The following NRXN3 variants were observed in gnomAD, a reference collection of about 807,000 sequenced individuals.
NRXN3 encodes the protein neurexin III.
A neutral mutation model predicts 137.6 loss-of-function variants in NRXN3; 32 were observed. That is an observed-to-expected ratio of 0.23 (90% CI 0.18 to 0.31). The LOEUF is 0.31. Ranked by LOEUF, NRXN3 falls within the 10% of genes least tolerant of loss-of-function variation. NRXN3 has a pLI of 1.00. For missense variants in NRXN3, 1,574 were observed against 2,062.5 expected (o/e 0.76, Z 4.59); for synonymous variants, 798 against 784.5 (o/e 1.02, Z -0.29).
chr14:79,320,270 T>C (rs2089746708), intron 15 of NRXN3, among the ~76,000 whole-genome samples: 3 of 152,194 alleles, frequency 2.0e-5, no homozygotes, highest in Admixed American at 2.0e-4. Context: ...CACGAATAAA[T>C]ACACAATTCT....
intron 4 of NRXN3, among the ~76,000 whole-genome samples, chr14:78,445,692 C>T (rs538690898): frequency 6.6e-6 from 1 of 152,218 alleles, no homozygotes; most frequent in Non-Finnish European, 1.5e-5. Context: ...GAAAGACCAA[C>T]TATTGTTCAC....
At chr14:79,525,846 C>T (rs1307861353) in intron 16 of NRXN3, among the ~76,000 whole-genome samples, 1 of 152,128 alleles carries the variant, frequency 6.6e-6, no homozygotes, top group Non-Finnish European at 1.5e-5. Flanking sequence ...TCATTTGGGG[C>T]AGGGAATTGT....
intron 1 of NRXN3, among the ~76,000 whole-genome samples, chr14:78,231,783 A>G (rs554979495): frequency 6.6e-6 from 1 of 152,342 alleles, no homozygotes; most frequent in South Asian, 2.1e-4. Context: ...CGTGTACCAT[A>G]CTTGGCATAG....
intron 19 of NRXN3, among the ~76,000 whole-genome samples, chr14:79,762,650 A>C (rs1323145055): frequency 6.6e-6 from 1 of 151,674 alleles, no homozygotes; most frequent in Non-Finnish European, 1.5e-5. Context: ...GGAAGATCTA[A>C]TAATAGAACT....
chr14:78,454,365 A>G (rs2094629609), intron 4 of NRXN3, among the ~76,000 whole-genome samples: 1 of 152,054 alleles, frequency 6.6e-6, no homozygotes, highest in African/African-American at 2.4e-5. Context: ...TGTGGTGGGA[A>G]CAAGGCTTTG....
intron 4 of NRXN3, among the ~76,000 whole-genome samples, chr14:78,401,574 GT>G (rs1311908782): frequency 6.6e-6 from 1 of 152,206 alleles, no homozygotes; most frequent in Non-Finnish European, 1.5e-5. Flanking sequence ...TAAGGCACTA[GT>G]TGGGTCCCAA....
intron 1 of NRXN3, among the ~76,000 whole-genome samples, chr14:78,191,662 C>G (rs1232768840): frequency 9.9e-5 from 15 of 152,256 alleles, no homozygotes; most frequent in Middle Eastern, 3.4e-3. Context: ...CCAGACATGT[C>G]TAGGGCTGGT....
chr14:78,282,398 C>A, intron 3 of NRXN3: 1 of 314,692 alleles, frequency 3.2e-6, no homozygotes, highest in Non-Finnish European at 6.4e-6. Flanking sequence ...CTCCCTCCTG[C>A]CTGGAGGGGC....
At chr14:78,420,963 G>A (rs2093418327) in intron 4 of NRXN3, among the ~76,000 whole-genome samples, 6 of 152,216 alleles carry the variant, frequency 3.9e-5, no homozygotes, top group Admixed American at 3.3e-4. Flanking sequence ...GATGTGTGCT[G>A]TGTAGACAGC....
intron 20 of NRXN3, among the ~76,000 whole-genome samples, chr14:79,847,189 C>T (rs2099379041): frequency 6.6e-6 from 1 of 152,152 alleles, no homozygotes; most frequent in Non-Finnish European, 1.5e-5. Context: ...AAACAAGAAT[C>T]ACCTCAACCC....
intron 4 of NRXN3, among the ~76,000 whole-genome samples, chr14:78,331,986 T>C (rs1597411146): frequency 6.6e-6 from 1 of 152,180 alleles, no homozygotes; most frequent in African/African-American, 2.4e-5. Flanking sequence ...GAGGTTGATG[T>C]TGAGAAAAAA....
intron 15 of NRXN3, among the ~76,000 whole-genome samples, chr14:79,466,498 G>T (rs907680312): frequency 6.6e-6 from 1 of 152,126 alleles, no homozygotes; most frequent in East Asian, 1.9e-4. Flanking sequence ...TAAGGCAGGA[G>T]AATTGCTTGA....
chr14:78,355,771 C>A (rs2153599859), intron 4 of NRXN3, among the ~76,000 whole-genome samples: 1 of 152,330 alleles, frequency 6.6e-6, no homozygotes, highest in Middle Eastern at 3.4e-3. Flanking sequence ...TTTTCCTTTT[C>A]TCCTTTTCTG....
At chr14:79,363,134 G>A (rs1566916047) in intron 15 of NRXN3, among the ~76,000 whole-genome samples, 1 of 151,946 alleles carries the variant, frequency 6.6e-6, no homozygotes, top group Non-Finnish European at 1.5e-5. Flanking sequence ...CTGAGTAGCT[G>A]GAATTATAGG....
intron 15 of NRXN3, among the ~76,000 whole-genome samples, chr14:79,093,993 T>A (rs941648213): frequency 6.6e-6 from 1 of 152,042 alleles, no homozygotes; most frequent in African/African-American, 2.4e-5. Flanking sequence ...TCAACCCAAA[T>A]ATGCATTTAT....
intron 15 of NRXN3, among the ~76,000 whole-genome samples, chr14:79,036,784 A>G (rs1379047319): frequency 6.6e-6 from 1 of 151,848 alleles, no homozygotes; most frequent in Non-Finnish European, 1.5e-5. Flanking sequence ...AATGAGGTGT[A>G]TGGGGGAAAG....
chr14:78,878,001 C>T (rs1418323613), intron 10 of NRXN3, among the ~76,000 whole-genome samples: 1 of 152,108 alleles, frequency 6.6e-6, no homozygotes, highest in Non-Finnish European at 1.5e-5. Context: ...TAAAAGAGGT[C>T]AGTAAAACAT....
At position 79,420,379 on chromosome 14, in the gene NRXN3, A is replaced by G. The variant is rs142983291; in HGVS notation, c.3263-46842A>G. ...AGGTTGTGATTTTTTAAACTGATGT[A>G]TGACAGAAAAATCAGACCTTGGCAA... On this transcript the variant is annotated intron_variant, in intron 15 of 20. Coordinates refer to ENST00000335750, the MANE Select transcript of NRXN3 (RefSeq NM_001330195.2). Among the ~76,000 whole-genome samples the G allele has an allele frequency of 1.2e-3, 180 of 152,250 alleles. 2 individuals carry two copies. The highest frequency in any genetic ancestry group is 1.7e-3 in the South Asian group (8 of 4,816).
intron 15 of NRXN3, among the ~76,000 whole-genome samples, chr14:79,434,852 A>C (rs2095818877): frequency 6.6e-6 from 1 of 152,172 alleles, no homozygotes; most frequent in South Asian, 2.1e-4. Flanking sequence ...AGATGACCTA[A>C]ATTGCATAAA....
Sources: allele counts gnomAD v4.1 joint callset (sites outside exome capture counted in the v4.1 genomes callset), GRCh38; gene constraint gnomAD v4.1.1; transcripts MANE v1.5; gene names NCBI Gene and HGNC (gene_info 2026-07-23, HGNC 2026-07-21).